The following FHIT variants were observed in gnomAD, a reference collection of about 807,000 sequenced individuals.
The protein encoded by FHIT is bis(5'-adenosyl)-triphosphatase.
FHIT carries 19 observed loss-of-function variants against 17.9 expected under a neutral mutation model. The ratio of observed to expected loss-of-function variants is 1.06; its 90% CI spans 0.74 to 1.56. The LOEUF (loss-of-function observed/expected upper bound fraction) is 1.56, where lower values mean the gene tolerates loss of function less well. Among genes scored for constraint, FHIT ranks in the 40% most tolerant of loss-of-function variants. The pLI is 0.00. For missense variants in FHIT, 248 were observed against 189.2 expected, an observed-to-expected ratio of 1.31 and a Z score of -1.82; for synonymous variants, 81 against 69.7, an observed-to-expected ratio of 1.16 and a Z score of -0.81.
At chr3:59,863,280 G>A (rs796672088) in intron 8 of FHIT, among the ~76,000 whole-genome samples, 4 of 152,298 alleles carry the variant, frequency 2.6e-5, no homozygotes, top group African/African-American at 9.6e-5. Flanking sequence ...TCACCCCTTA[G>A]ACTACTCCAG....
intron 5 of FHIT, among the ~76,000 whole-genome samples, chr3:60,058,278 G>A (rs557765418): frequency 1.1e-4 from 17 of 151,644 alleles, no homozygotes; most frequent in African/African-American, 3.9e-4. Flanking sequence ...CTGAGTAGCT[G>A]GGATTACATG....
chr3:59,843,914 G>T (rs2106760540), intron 8 of FHIT, among the ~76,000 whole-genome samples: 2 of 152,178 alleles, frequency 1.3e-5, no homozygotes, highest in South Asian at 4.1e-4. Flanking sequence ...GAGGTGACTG[G>T]GTCATGGAAG....
At chr3:59,998,469 A>T (rs1378839870) in intron 7 of FHIT, among the ~76,000 whole-genome samples, 1 of 152,176 alleles carries the variant, frequency 6.6e-6, no homozygotes, top group African/African-American at 2.4e-5. Flanking sequence ...ACTTCCACTG[A>T]AAAGAGGGAT....
intron 8 of FHIT, among the ~76,000 whole-genome samples, chr3:59,900,493 G>T (rs2107075088): frequency 6.6e-6 from 1 of 152,266 alleles, no homozygotes; most frequent in Admixed American, 6.5e-5. Context: ...GACTCCCCTA[G>T]ATGCCATCCC....
At chr3:60,927,166 G>T (rs1252568075) in intron 3 of FHIT, among the ~76,000 whole-genome samples, 1 of 152,154 alleles carries the variant, frequency 6.6e-6, no homozygotes, top group Non-Finnish European at 1.5e-5. Flanking sequence ...AGCCTGACTG[G>T]TTTTTGTATT....
chr3:60,655,730 G>A (rs2040099661), intron 4 of FHIT, among the ~76,000 whole-genome samples: 1 of 152,126 alleles, frequency 6.6e-6, no homozygotes, highest in Non-Finnish European at 1.5e-5. Context: ...TTGAACAAAA[G>A]TCCCCAAGTG....
chr3:60,007,873 G>A (rs756562345), intron 7 of FHIT, among the ~76,000 whole-genome samples: 2 of 152,136 alleles, frequency 1.3e-5, no homozygotes, highest in African/African-American at 4.8e-5. Context: ...TGGGTGTTAG[G>A]TCAGAGAATT....
At chr3:60,379,321 G>A (rs1425812703) in intron 5 of FHIT, among the ~76,000 whole-genome samples, 1 of 151,756 alleles carries the variant, frequency 6.6e-6, no homozygotes, top group African/African-American at 2.4e-5. Flanking sequence ...AGATGAAATA[G>A]GTCAAATTAA....
At chr3:61,152,881 C>T (rs764857377) in intron 2 of FHIT, among the ~76,000 whole-genome samples, 3 of 152,108 alleles carry the variant, frequency 2.0e-5, no homozygotes, top group Non-Finnish European at 2.9e-5. Flanking sequence ...CGGTGGCTCA[C>T]ACCTGTAATC....
At chr3:60,556,590 G>C (rs180987) in intron 4 of FHIT, among the ~76,000 whole-genome samples, 35,190 of 152,206 alleles carry the variant, frequency 0.23, 4,496 homozygotes, top group Non-Finnish European at 0.29. Flanking sequence ...CAGAAGTCAA[G>C]CAACTTGATC....
chr3:60,228,957 C>T (rs1311674395), intron 5 of FHIT, among the ~76,000 whole-genome samples: 1 of 152,292 alleles, frequency 6.6e-6, no homozygotes, highest in East Asian at 1.9e-4. Flanking sequence ...AGTTGCTGAG[C>T]CACTAAGTGG....
At chr3:59,866,537 A>G (rs1702658649) in intron 8 of FHIT, among the ~76,000 whole-genome samples, 1 of 152,172 alleles carries the variant, frequency 6.6e-6, no homozygotes, top group South Asian at 2.1e-4. Flanking sequence ...CAGGCACAAG[A>G]ACATAGGCTG....
chr3:59,821,966 C>T (rs1024513869), intron 8 of FHIT, among the ~76,000 whole-genome samples: 7 of 152,156 alleles, frequency 4.6e-5, no homozygotes, highest in East Asian at 1.9e-4. Context: ...TGCTTTCCCC[C>T]GAGTCTCCAA....
intron 5 of FHIT, among the ~76,000 whole-genome samples, chr3:60,441,702 T>TTA (rs10575692): frequency 4.8e-4 from 40 of 82,962 alleles, no homozygotes; most frequent in African/African-American, 1.5e-3. Flanking sequence ...CTGTAGGTAT[T>TTA]TATATATATA....
chr3:61,003,150 C>T (rs990510029), intron 3 of FHIT, among the ~76,000 whole-genome samples: 3 of 152,154 alleles, frequency 2.0e-5, no homozygotes, highest in Admixed American at 2.0e-4. Flanking sequence ...AATTTATTGT[C>T]TATAAATTCT....
chr3:60,052,552 G>T (rs212041), intron 5 of FHIT, among the ~76,000 whole-genome samples: 9,896 of 152,004 alleles, frequency 0.065, 417 homozygotes, highest in South Asian at 0.1. Context: ...GGGAATCCTA[G>T]AAATCGATCT....
chr3:59,815,155 C>T (rs1005506990), intron 8 of FHIT, among the ~76,000 whole-genome samples: 1 of 152,156 alleles, frequency 6.6e-6, no homozygotes, highest in African/African-American at 2.4e-5. Context: ...TGCTGGCTGC[C>T]TGGGAATGAG....
intron 5 of FHIT, among the ~76,000 whole-genome samples, chr3:60,450,482 G>C (rs1326107660): frequency 1.3e-5 from 2 of 152,064 alleles, no homozygotes; most frequent in Admixed American, 1.3e-4. Context: ...AAGTGACAAA[G>C]CAGAAAAGAA....
intron 5 of FHIT, among the ~76,000 whole-genome samples, chr3:60,142,267 C>G (rs143399771): frequency 5.3e-4 from 80 of 152,192 alleles, no homozygotes; most frequent in African/African-American, 1.9e-3. Flanking sequence ...AATGCCAGCA[C>G]GTAGCTCATA....
Sources: gnomAD v4.1 joint callset for allele counts (sites outside exome capture counted in the v4.1 genomes callset) on GRCh38, gnomAD v4.1.1 for gene constraint, MANE v1.5 for transcripts, NCBI Gene and HGNC (gene_info 2026-07-23, HGNC 2026-07-21) for gene names.